Variants in SPAM1 observed in about 807,000 individuals in gnomAD.
SPAM1 encodes sperm adhesion molecule 1.
A neutral mutation model predicts 29.6 loss-of-function variants in SPAM1; 22 were observed. That is an observed-to-expected ratio of 0.74 (90% CI 0.53 to 1.06). The LOEUF is 1.06. SPAM1 is among the 50% of genes least tolerant of loss of function. The pLI is 0.00. For synonymous variants in SPAM1, 194 were observed against 204.6 expected (o/e 0.95, Z 0.44); for missense variants, 534 against 604.0 (o/e 0.88, Z 1.21).
rs749856430 is a variant in SPAM1 at position 123,959,984 on chromosome 7, T to G, written c.*15T>G. On this transcript the variant is annotated 3_prime_UTR_variant, in exon 5 of 5. Transcript: ENST00000682466. ...CGAGTTTGTAATTGCGCAGGTTAGCTGAAATGAACAATATGTCCATCTTAA... is the reference window on the plus strand; with the variant it reads ...CGAGTTTGTAATTGCGCAGGTTAGCGGAAATGAACAATATGTCCATCTTAA... The G allele has an allele frequency of 6.3e-7, 1 of 1,587,856 alleles. No individual in the cohort carries two copies. The highest frequency in any genetic ancestry group is 1.2e-5 in the South Asian group (1 of 86,458).
intron 1 of SPAM1, among the ~76,000 whole-genome samples, chr7:123,927,675 G>A (rs1441469996): frequency 2.0e-5 from 3 of 152,166 alleles, no homozygotes; most frequent in Non-Finnish European, 4.4e-5. Flanking sequence ...TTAGGAGAAC[G>A]AGGGAGTCTA....
downstream of SPAM1, among the ~76,000 whole-genome samples, chr7:123,962,387 T>A (rs1792370781): frequency 6.6e-6 from 1 of 151,944 alleles, no homozygotes; most frequent in African/African-American, 2.4e-5. Context: ...ATTGTTTGAG[T>A]TCCTTGTATA....
rs547263525 is a variant in SPAM1 at position 123,947,274 on chromosome 7, G to A, written c.-318-2598G>A. ...ACCAAATGCTGAGCAATAAGTCCAG[G>A]TGCATGGCTCAAGCCTGTAATCCCA... On this transcript the variant is annotated intron_variant, in intron 1 of 4. Coordinates refer to ENST00000682466, the MANE Select transcript of SPAM1 (RefSeq NM_153189.3). Among the ~76,000 whole-genome samples, 139 of 152,106 alleles carry A rather than the reference G, an allele frequency of 9.1e-4. No individual in the cohort carries two copies. The South Asian group carries it at 0.014, about 16-fold the overall frequency.
intron 1 of SPAM1, among the ~76,000 whole-genome samples, chr7:123,935,889 T>C (rs1808232045): frequency 6.6e-6 from 1 of 152,216 alleles, no homozygotes; most frequent in South Asian, 2.1e-4. Flanking sequence ...TATCCTATCC[T>C]ATTCTACACT....
At chr7:123,970,988 C>G (rs1374612118) in intron 6 of SPAM1, 1 of 151,080 alleles carries the variant, frequency 6.6e-6, no homozygotes, top group African/African-American at 2.4e-5. Flanking sequence ...AACTCTGTCT[C>G]ATGATCAATA....
chr7:123,971,238 T>C (rs1792495342), exon 7 of SPAM1: 2 of 152,186 alleles, frequency 1.3e-5, no homozygotes, highest in Non-Finnish European at 2.9e-5. Flanking sequence ...AGAAAAATTA[T>C]GTACACAGCT....
intron 1 of SPAM1, among the ~76,000 whole-genome samples, chr7:123,931,467 C>A (rs1202058600): frequency 1.3e-5 from 2 of 152,146 alleles, no homozygotes; most frequent in African/African-American, 4.8e-5. Context: ...ACAGAGAGGC[C>A]AAGAAGAATT....
In SPAM1 at chr7:123,954,982, T is replaced by G. The variant is rs1338662777; in HGVS notation, c.955-15T>G. ...TTCATTTTTATCTGCTAACTCTTTCTGTCACATTTTCCAGGATGAACTTGT... is the reference window on the plus strand; with the variant it reads ...TTCATTTTTATCTGCTAACTCTTTCGGTCACATTTTCCAGGATGAACTTGT... On this transcript the variant is annotated splice_polypyrimidine_tract_variant and intron_variant, in intron 3 of 4. Coordinates refer to ENST00000682466, the MANE Select transcript of SPAM1 (RefSeq NM_153189.3). The G allele has an allele frequency of 7.5e-6, 12 of 1,590,286 alleles. No individual in the cohort carries two copies. Among genetic ancestry groups the G allele is most frequent in the Non-Finnish European group, 9.5e-6 (11 of 1,159,124 alleles).
rs10264464 is a variant in SPAM1 at position 123,950,433 on chromosome 7, G to A, written c.-207+450G>A. ...CCCCCTCCCAACCTGCTCCCTTTCAGAGTGCCCAGTGTCTACTGCTTCCAT... is the reference window on the plus strand; with the variant it reads ...CCCCCTCCCAACCTGCTCCCTTTCAAAGTGCCCAGTGTCTACTGCTTCCAT... On this transcript the variant is annotated intron_variant, in intron 2 of 4. Transcript: ENST00000682466. 8.7e-3 allele frequency among the ~76,000 whole-genome samples: 1,329 copies of A among 151,972 alleles called. 19 individuals are homozygous for A. Among genetic ancestry groups the A allele is most frequent in the African/African-American group, 0.03 (1,264 of 41,494 alleles).
At chr7:123,967,474 A>C (rs1201991361) in intron 5 of SPAM1, among the ~76,000 whole-genome samples, 2 of 152,036 alleles carry the variant, frequency 1.3e-5, no homozygotes, top group African/African-American at 2.4e-5. Flanking sequence ...TAGGGTAGGA[A>C]ATTAAGTGAT....
In SPAM1 at chr7:123,933,867, A is replaced by G. The variant is rs150934529; in HGVS notation, c.-319+8515A>G. On this transcript the variant is annotated intron_variant, in intron 1 of 4. Coordinates refer to ENST00000682466, the MANE Select transcript of SPAM1 (RefSeq NM_153189.3). ...TGTTTTGGTCAATGATAGACCATAT[A>G]TATATATACCATGGTGGTCCCATAC... is the stretch of plus-strand genomic sequence containing the variant. 6.9e-3 allele frequency among the ~76,000 whole-genome samples: 1,046 copies of G among 152,320 alleles called. 9 individuals are homozygous for G. The highest frequency in any genetic ancestry group is 0.041 in the Middle Eastern group (12 of 294).
chr7:123,943,846 A>G (rs1808497584), intron 1 of SPAM1, among the ~76,000 whole-genome samples: 1 of 152,184 alleles, frequency 6.6e-6, no homozygotes, highest in Non-Finnish European at 1.5e-5. Context: ...TTGAGAGAGG[A>G]GACCAAACAA....
chr7:123,937,100 C>G (rs997908344), intron 1 of SPAM1, among the ~76,000 whole-genome samples: 3 of 152,138 alleles, frequency 2.0e-5, no homozygotes, highest in Non-Finnish European at 4.4e-5. Flanking sequence ...TTTACAATCT[C>G]TAAATTTTTA....
chr7:123,970,413 T>A, intron 6 of SPAM1: 1 of 620,812 alleles, frequency 1.6e-6, no homozygotes, highest in Non-Finnish European at 2.6e-6. Flanking sequence ...CATTTTCACT[T>A]AATTACCTCT....
chr7:123,952,688 G>A (rs1792139686), intron 2 of SPAM1, among the ~76,000 whole-genome samples: 1 of 151,932 alleles, frequency 6.6e-6, no homozygotes, highest in Non-Finnish European at 1.5e-5. Context: ...CTTAAGTTAG[G>A]CTAGAACTGA....
rs781274243 is a variant in SPAM1, at chr7:123,959,973, C to T, written c.*4C>T. 1.5e-5 allele frequency: 24 copies of T among 1,597,252 alleles called. No homozygotes were observed. Among genetic ancestry groups the T allele is most frequent in the Middle Eastern group, 1.7e-4 (1 of 5,992 alleles). On this transcript the variant is annotated 3_prime_UTR_variant, in exon 5 of 5. Transcript: ENST00000682466. ...TTCTTCTGTAGCGAGTTTGTAATTG[C>T]GCAGGTTAGCTGAAATGAACAATAT... is the stretch of plus-strand genomic sequence containing the variant.
chr7:123,935,673 A>T (rs1414200688), intron 1 of SPAM1, among the ~76,000 whole-genome samples: 3 of 152,224 alleles, frequency 2.0e-5, no homozygotes, highest in Admixed American at 2.0e-4. Context: ...TGCCCTTAGG[A>T]TTTAAAACCC....
intron 1 of SPAM1, among the ~76,000 whole-genome samples, chr7:123,944,514 C>T (rs1808515831): frequency 6.6e-6 from 1 of 151,958 alleles, no homozygotes; most frequent in South Asian, 2.1e-4. Flanking sequence ...TACCAAAAGG[C>T]AAAAGAAAAG....
chr7:123,935,701 A>T (rs907671456), intron 1 of SPAM1, among the ~76,000 whole-genome samples: 1 of 152,172 alleles, frequency 6.6e-6, no homozygotes, highest in African/African-American at 2.4e-5. Flanking sequence ...TCAGCCTCCA[A>T]AGTTTTTGGG....
Sources: allele counts gnomAD v4.1 joint callset (sites outside exome capture counted in the v4.1 genomes callset), GRCh38; gene constraint gnomAD v4.1.1; transcripts MANE v1.5; gene names NCBI Gene and HGNC (gene_info 2026-07-23, HGNC 2026-07-21).